FHIT: variants seen among roughly 807,000 people sequenced by gnomAD.
The protein encoded by FHIT is bis(5'-adenosyl)-triphosphatase.
In FHIT, 19 loss-of-function variants were observed where a neutral mutation model predicts 17.9. That is an observed-to-expected ratio of 1.06 (90% CI 0.74 to 1.56). The LOEUF is 1.56. Among genes scored for constraint, FHIT ranks in the 40% most tolerant of loss-of-function variants. The pLI is 0.00. For synonymous variants in FHIT, 81 were observed against 69.7 expected (o/e 1.16, Z -0.81); for missense variants, 248 against 189.2 (o/e 1.31, Z -1.82).
chr3:61,172,639 C>T (rs572782776), intron 2 of FHIT, among the ~76,000 whole-genome samples: 1 of 152,206 alleles, frequency 6.6e-6, no homozygotes, highest in Non-Finnish European at 1.5e-5. Flanking sequence ...AAAGGAATCC[C>T]TTCTTCATTT....
intron 4 of FHIT, among the ~76,000 whole-genome samples, chr3:60,614,625 A>AATG (rs1240611760): frequency 2.0e-5 from 3 of 151,898 alleles, no homozygotes; most frequent in Non-Finnish European, 4.4e-5. Flanking sequence ...TAAATAAATA[A>AATG]ATAACCTAAG....
chr3:60,391,504 T>C (rs1701232319), intron 5 of FHIT, among the ~76,000 whole-genome samples: 1 of 152,208 alleles, frequency 6.6e-6, no homozygotes, highest in South Asian at 2.1e-4. Flanking sequence ...TGACTCATCC[T>C]GAGCAACTTC....
chr3:61,018,075 T>G (rs766796301), intron 3 of FHIT, among the ~76,000 whole-genome samples: 2 of 152,230 alleles, frequency 1.3e-5, no homozygotes, highest in Non-Finnish European at 2.9e-5. Flanking sequence ...AGGTACTATA[T>G]ATGCATGATC....
intron 8 of FHIT, among the ~76,000 whole-genome samples, chr3:59,865,431 C>G (rs146820333): frequency 1.3e-3 from 195 of 152,342 alleles, no homozygotes; most frequent in African/African-American, 4.6e-3. Flanking sequence ...CAGTGTTAAT[C>G]CTAATGTCTG....
At chr3:60,153,631 G>A (rs1700562886) in intron 5 of FHIT, among the ~76,000 whole-genome samples, 1 of 152,150 alleles carries the variant, frequency 6.6e-6, no homozygotes, top group East Asian at 1.9e-4. Flanking sequence ...CACCAATCCA[G>A]ATAGAATTAC....
intron 5 of FHIT, among the ~76,000 whole-genome samples, chr3:60,054,101 T>C (rs1319063032): frequency 2.6e-5 from 4 of 152,202 alleles, no homozygotes; most frequent in Admixed American, 1.3e-4. Flanking sequence ...TGAGCTATGA[T>C]AGGAAAAAAA....
chr3:60,351,788 T>C (rs1430417362), intron 5 of FHIT, among the ~76,000 whole-genome samples: 1 of 152,208 alleles, frequency 6.6e-6, no homozygotes, highest in African/African-American at 2.4e-5. Flanking sequence ...TGTCATTCTC[T>C]GCTCATATCT....
At chr3:61,172,962 T>C (rs1236653877) in intron 2 of FHIT, among the ~76,000 whole-genome samples, 1 of 152,124 alleles carries the variant, frequency 6.6e-6, no homozygotes, top group Non-Finnish European at 1.5e-5. Flanking sequence ...CAAAACAAAG[T>C]GAGCCTTTAC....
At chr3:59,768,389 T>G (rs1701907856) in intron 8 of FHIT, among the ~76,000 whole-genome samples, 1 of 152,182 alleles carries the variant, frequency 6.6e-6, no homozygotes, top group South Asian at 2.1e-4. Flanking sequence ...GAGTTATTCT[T>G]TAAACAACTG....
In FHIT at chr3:61,110,982, T is replaced by C. The variant is rs553592507; in HGVS notation, c.-163-68883A>G. On this transcript the variant is annotated intron_variant, in intron 2 of 9. Coordinates refer to ENST00000492590, the MANE Select transcript of FHIT (RefSeq NM_002012.4). ...ACTTTGATTTTTCAGTCTGAAACTC[T>C]CCAGCGCCCCTTAACTATGGCCCCC... is the stretch of plus-strand genomic sequence containing the variant. Among the ~76,000 whole-genome samples, 16 of 152,332 alleles carry C rather than the reference T, an allele frequency of 1.1e-4. No individual in the cohort carries two copies. The East Asian group carries it at 3.1e-3, about 29-fold the overall frequency.
Position 60,125,658 on chromosome 3 carries a change from G to A in FHIT, c.104-111506C>T, listed in dbSNP as rs181350676. On this transcript the variant is annotated intron_variant, in intron 5 of 9. Transcript: ENST00000492590. ...TGTATATATACATATGTGTGTATGTGTTTGTGTATATATATGTGTGTGCGT... is the reference window on the plus strand; with the variant it reads ...TGTATATATACATATGTGTGTATGTATTTGTGTATATATATGTGTGTGCGT... Among the ~76,000 whole-genome samples, 280 of 143,054 alleles carry A rather than the reference G, an allele frequency of 2.0e-3. 1 individual carries two copies. Among genetic ancestry groups the A allele is most frequent in the African/African-American group, 6.9e-3 (261 of 37,844 alleles). 93.8% of individuals were successfully genotyped at this position (143,054 alleles called of 152,430 possible).
In FHIT at chr3:60,054,661, C is replaced by G. The variant is rs369478785; in HGVS notation, c.104-40509G>C. Among the ~76,000 whole-genome samples, 4 of 152,292 alleles carry G rather than the reference C, an allele frequency of 2.6e-5. No homozygotes were observed. In the South Asian group the frequency reaches 8.3e-4, roughly 32 times the overall value. ...TGATCTGCTTATTAATAATACCCAA[C>G]ACAGCATTTATTAGATAGAGAACTA... On this transcript the variant is annotated intron_variant, in intron 5 of 9. Transcript: ENST00000492590.
At chr3:59,940,164 G>A (rs2107264275) in intron 7 of FHIT, among the ~76,000 whole-genome samples, 1 of 152,080 alleles carries the variant, frequency 6.6e-6, no homozygotes, top group Non-Finnish European at 1.5e-5. Context: ...GATCAAATTG[G>A]TTAGTACTGC....
intron 8 of FHIT, among the ~76,000 whole-genome samples, chr3:59,816,833 G>A (rs763857484): frequency 2.0e-5 from 3 of 152,166 alleles, no homozygotes; most frequent in Non-Finnish European, 4.4e-5. Flanking sequence ...CTTATGCTCA[G>A]GAAACATTTG....
chr3:60,667,800 C>T (rs2040415132), intron 4 of FHIT, among the ~76,000 whole-genome samples: 1 of 152,146 alleles, frequency 6.6e-6, no homozygotes. Context: ...CTTTTATCAG[C>T]TGTGGCTCCA....
chr3:60,191,396 A>G (rs1702397499), intron 5 of FHIT, among the ~76,000 whole-genome samples: 1 of 152,214 alleles, frequency 6.6e-6, no homozygotes, highest in Non-Finnish European at 1.5e-5. Flanking sequence ...CACCTAGTGA[A>G]CTACTCAAAA....
At position 60,255,240 on chromosome 3, in the gene FHIT, C is replaced by T. The variant is rs187768563; in HGVS notation, c.104-241088G>A. On this transcript the variant is annotated intron_variant, in intron 5 of 9. Transcript: ENST00000492590. ...CACTGAGGTGTAAACAACTCTATCACACCTCAGATGAGTATAATGAGATGC... is the reference window on the plus strand; with the variant it reads ...CACTGAGGTGTAAACAACTCTATCATACCTCAGATGAGTATAATGAGATGC... Among the ~76,000 whole-genome samples, 72 of 152,272 alleles carry T rather than the reference C, an allele frequency of 4.7e-4. 1 individual carries two copies. The highest frequency in any genetic ancestry group is 3.4e-3 in the Middle Eastern group (1 of 294).
At chr3:61,106,248 T>C (rs1225594139) in intron 2 of FHIT, among the ~76,000 whole-genome samples, 1 of 152,218 alleles carries the variant, frequency 6.6e-6, no homozygotes, top group Non-Finnish European at 1.5e-5. Flanking sequence ...CATTGTGAAA[T>C]GATTGCCACA....
intron 5 of FHIT, among the ~76,000 whole-genome samples, chr3:60,021,740 A>C (rs982539664): frequency 6.6e-6 from 1 of 152,216 alleles, no homozygotes; most frequent in Admixed American, 6.5e-5. Context: ...AATCCCAGCC[A>C]GGGGCATGTG....
Sources: gnomAD v4.1 joint callset for allele counts (sites outside exome capture counted in the v4.1 genomes callset) on GRCh38, gnomAD v4.1.1 for gene constraint, MANE v1.5 for transcripts, NCBI Gene and HGNC (gene_info 2026-07-23, HGNC 2026-07-21) for gene names.